The following TPTE2 variants were observed in gnomAD, a reference collection of about 807,000 sequenced individuals.
TPTE2 encodes transmembrane phosphoinositide 3-phosphatase and tensin homolog 2.
A neutral mutation model predicts 78.6 loss-of-function variants in TPTE2; 53 were observed. The ratio of observed to expected loss-of-function variants is 0.67; its 90% CI spans 0.54 to 0.85. TPTE2 has a LOEUF of 0.85. Ranked by LOEUF, TPTE2 falls within the 40% of genes least tolerant of loss-of-function variation. The pLI, the probability that TPTE2 is intolerant of heterozygous loss-of-function variation, is 0.00. For synonymous variants in TPTE2, 175 were observed against 206.2 expected, an observed-to-expected ratio of 0.85 and a Z score of 1.30; for missense variants, 461 against 623.0, an observed-to-expected ratio of 0.74 and a Z score of 2.77.
intron 18 of TPTE2, 110 bp from the exon 22 acceptor site, chr13:19,425,127 C>A: frequency 1.8e-6 from 1 of 556,596 alleles, no homozygotes. Context: ...CAATTATAAC[C>A]ATTAAATAGG....
chr13:19,555,891 C>T, the TPTE2 span, among the ~76,000 whole-genome samples: 3 of 146,568 alleles, frequency 2.0e-5, no homozygotes, highest in Admixed American at 1.4e-4. Flanking sequence ...TGGCTCACTG[C>T]AACCTCCGCC....
At chr13:19,436,737 C>T (rs532760223) in intron 14 of TPTE2, among the ~76,000 whole-genome samples, 31 of 152,226 alleles carry the variant, frequency 2.0e-4, no homozygotes, top group African/African-American at 6.7e-4. Flanking sequence ...TGGGCAGAGG[C>T]TACCAAAAAT....
At chr13:19,427,714 A>G (rs946633114) in intron 17 of TPTE2, among the ~76,000 whole-genome samples, 3 of 152,158 alleles carry the variant, frequency 2.0e-5, no homozygotes, top group African/African-American at 4.8e-5. Flanking sequence ...GTGTTTGTCA[A>G]TGGGATCTTT....
chr13:19,558,610 G>C, the TPTE2 span, among the ~76,000 whole-genome samples: 5 of 152,144 alleles, frequency 3.3e-5, no homozygotes, highest in Non-Finnish European at 7.4e-5. Context: ...TGAGACAGTG[G>C]GAAAACACAT....
intron 1 of TPTE2, among the ~76,000 whole-genome samples, chr13:19,530,779 C>T (rs1870819099): frequency 6.6e-6 from 1 of 152,146 alleles, no homozygotes. Context: ...CCCACCTCGG[C>T]ATCCCAATGT....
chr13:19,555,433 G>C, the TPTE2 span, among the ~76,000 whole-genome samples: 5 of 152,140 alleles, frequency 3.3e-5, no homozygotes, highest in African/African-American at 1.2e-4. Context: ...ATTTGATGTG[G>C]TGGGAAAACA....
the TPTE2 span, among the ~76,000 whole-genome samples, chr13:19,556,271 T>C: frequency 6.6e-6 from 1 of 152,308 alleles, no homozygotes; most frequent in South Asian, 2.1e-4. Context: ...TCAGTTCAAA[T>C]GAACAAACAC....
intron 15 of TPTE2, 47 bp downstream of exon 18, chr13:19,436,177 CTT>C (rs1196425987): frequency 6.7e-7 from 1 of 1,492,266 alleles, no homozygotes; most frequent in Admixed American, 1.8e-5. Context: ...AGGTGGCAAT[CTT>C]AACCCACTCC....
intron 1 of TPTE2, among the ~76,000 whole-genome samples, chr13:19,496,706 A>C (rs1316620847): frequency 6.6e-6 from 1 of 152,212 alleles, no homozygotes; most frequent in Non-Finnish European, 1.5e-5. Context: ...TATTGCAAAT[A>C]GGATTTTCTC....
intron 1 of TPTE2, among the ~76,000 whole-genome samples, chr13:19,525,895 G>C (rs1298267585): frequency 2.0e-5 from 3 of 151,042 alleles, no homozygotes. Context: ...GACAGGAACA[G>C]ACACTTCTCA....
chr13:19,501,931 G>C (rs1297543276), intron 1 of TPTE2, among the ~76,000 whole-genome samples: 6 of 150,568 alleles, frequency 4.0e-5, no homozygotes, highest in Non-Finnish European at 7.4e-5. Context: ...AATCTACAAT[G>C]AACTCAAACA....
At chr13:19,534,976 G>T (rs1871116544) in intron 1 of TPTE2, among the ~76,000 whole-genome samples, 1 of 152,110 alleles carries the variant, frequency 6.6e-6, no homozygotes, top group Non-Finnish European at 1.5e-5. Context: ...GCCGAGACGG[G>T]TGTTATCACT....
At chr13:19,426,618 G>T in intron 17 of TPTE2, 101 bp from the exon 21 acceptor site, 1 of 677,210 alleles carries the variant, frequency 1.5e-6, no homozygotes, top group Non-Finnish European at 2.6e-6. Context: ...AAGTACTTTT[G>T]CTCTCACAGC....
At chr13:19,475,437 G>T (rs1018777233) in intron 5 of TPTE2, 136 bp downstream of exon 8, 3 of 738,060 alleles carry the variant, frequency 4.1e-6, no homozygotes, top group African/African-American at 3.6e-5. Context: ...TGTTAGCCAG[G>T]CTGGTCTTGA....
chr13:19,516,730 ACCATTAGGGCAACCAG>A (rs1438203021), intron 1 of TPTE2, among the ~76,000 whole-genome samples: 2 of 152,250 alleles, frequency 1.3e-5, no homozygotes, highest in African/African-American at 4.8e-5. Context: ...CAGAGCATTC[ACCATTAGGGCAACCAG>A]CCGCCCCTGT....
intron 10 of TPTE2, among the ~76,000 whole-genome samples, chr13:19,460,138 A>G (rs999299421): frequency 2.6e-5 from 4 of 152,228 alleles, no homozygotes; most frequent in African/African-American, 9.6e-5. Context: ...GTGCCTGAGC[A>G]GCTGATGTGC....
intron 1 of TPTE2, among the ~76,000 whole-genome samples, chr13:19,499,225 C>T (rs2137662533): frequency 6.6e-6 from 1 of 152,238 alleles, no homozygotes; most frequent in East Asian, 1.9e-4. Context: ...CCACTGTCAA[C>T]ATTAGACAGA....
At chr13:19,528,093 C>A in intron 1 of TPTE2, among the ~76,000 whole-genome samples, 1 of 151,966 alleles carries the variant, frequency 6.6e-6, no homozygotes. Flanking sequence ...TCTAAAGTAC[C>A]TTTCTTGGCC....
intron 13 of TPTE2, among the ~76,000 whole-genome samples, chr13:19,442,339 CAA>C (rs35171174): frequency 1.4e-5 from 2 of 140,942 alleles, no homozygotes; most frequent in Non-Finnish European, 1.6e-5. Context: ...ACTCATGGGT[CAA>C]AAAAAAAAGC....
Sources: allele counts gnomAD v4.1 joint callset (sites outside exome capture counted in the v4.1 genomes callset), GRCh38; gene constraint gnomAD v4.1.1; transcripts MANE v1.5; gene names NCBI Gene and HGNC (gene_info 2026-07-23, HGNC 2026-07-21).